The following TMEM209 variants were observed in gnomAD, a reference collection of about 807,000 sequenced individuals.
The protein encoded by TMEM209 is transmembrane protein 209.
In TMEM209, 65 loss-of-function variants were observed where a neutral mutation model predicts 76.2. The observed-to-expected ratio is 0.85, with a 90% CI of 0.70 to 1.05. The LOEUF (loss-of-function observed/expected upper bound fraction) is 1.05. Ranked by LOEUF, TMEM209 falls within the 50% of genes least tolerant of loss-of-function variation. The pLI, the probability that TMEM209 is intolerant of heterozygous loss-of-function variation, is 0.00. For missense variants in TMEM209, 623 were observed against 685.5 expected, an observed-to-expected ratio of 0.91 and a Z score of 1.02; for synonymous variants, 239 against 237.6, an observed-to-expected ratio of 1.01 and a Z score of -0.06.
Position 130,170,472 on chromosome 7 carries a change from C to T in TMEM209, c.1559G>A (p.Gly520Asp). Residue 520 changes from glycine to aspartate, a missense_variant and splice_region_variant, in exon 14 of 15, where the codon GGC becomes GAC. Coordinates refer to ENST00000397622, the MANE Select transcript of TMEM209 (RefSeq NM_032842.4). ...CAATGTATGAAACATATTATTTCTG[C>T]CCTGGAACAAAGACAAAAAAGACAA... ...YQRHVYNLPK[G>D]RNNMFHTLLM... The T allele has an allele frequency of 6.2e-7, 1 of 1,610,346 alleles. No homozygotes were observed. Among genetic ancestry groups the T allele is most frequent in the African/African-American group, 1.3e-5 (1 of 74,868 alleles).
chr7:130,184,957 T>C (rs934305976), intron 7 of TMEM209, among the ~76,000 whole-genome samples: 11 of 152,366 alleles, frequency 7.2e-5, no homozygotes, highest in African/African-American at 2.4e-4. Context: ...TAAAAATATG[T>C]TTCAGGCAGG....
intron 1 of TMEM209, chr7:130,205,127 G>C: frequency 6.9e-7 from 1 of 1,446,274 alleles, no homozygotes. Context: ...TCCCACAGAG[G>C]ACAGAGCAAT....
chr7:130,166,839 AT>A (rs1796897725), intron 14 of TMEM209, among the ~76,000 whole-genome samples: 1 of 152,190 alleles, frequency 6.6e-6, no homozygotes, highest in African/African-American at 2.4e-5. Context: ...GATGGAAGAT[AT>A]GGAGATGCTA....
intron 9 of TMEM209, among the ~76,000 whole-genome samples, chr7:130,179,972 A>G (rs1317686712): frequency 1.3e-5 from 2 of 152,236 alleles, no homozygotes; most frequent in African/African-American, 4.8e-5. Context: ...TCTAGAAAAC[A>G]ATAACAAAAA....
chr7:130,192,883 G>A lies in TMEM209; in HGVS notation c.574-60C>T, dbSNP rs1276725247. The A allele has an allele frequency of 1.9e-6, 3 of 1,540,150 alleles. No homozygotes were observed. The East Asian group carries it at 7.3e-5, about 37-fold the overall frequency. On this transcript the variant is annotated intron_variant, in intron 5 of 14. Coordinates refer to ENST00000397622, the MANE Select transcript of TMEM209 (RefSeq NM_032842.4). ...TTTAATTGAAATTCATTTTGTTTTG[G>A]TTTTTGACTTAAGTAAAACACCTAG...
At chr7:130,188,378 C>T (rs1331994649) in intron 6 of TMEM209, among the ~76,000 whole-genome samples, 4 of 152,042 alleles carry the variant, frequency 2.6e-5, no homozygotes, top group Admixed American at 2.0e-4. Context: ...GGGCGGATCA[C>T]AAGGTCAGGA....
At position 130,175,605 on chromosome 7, in the gene TMEM209, T is replaced by C. The variant is rs1287923680; in HGVS notation, c.1251A>G (p.Leu417=). 2 of 1,611,416 alleles carry C rather than the reference T, an allele frequency of 1.2e-6. No homozygotes were observed. The highest frequency in any genetic ancestry group is 1.1e-5 in the South Asian group (1 of 90,480). ...QEYLFERIKE[L]SQGGCMSSFR... The stretch of plus-strand genomic sequence containing the variant: ...ATGAGCTCATACAACCTCCCTGAGA[T>C]AGTTCTGTGGCAACAAGGTGAAATT... The change falls in exon 11 of 15, where the codon CTA becomes CTG. Residue 417 remains leucine, a synonymous_variant. Coordinates refer to ENST00000397622, the MANE Select transcript of TMEM209 (RefSeq NM_032842.4).
intron 14 of TMEM209, 35 bp from the exon 15 acceptor site, chr7:130,166,540 T>A: frequency 7.1e-7 from 1 of 1,413,232 alleles, no homozygotes; most frequent in Non-Finnish European, 9.5e-7. Context: ...TTAGAATTGG[T>A]TGCCAAGCAT....
chr7:130,175,434 C>A, intron 11 of TMEM209, 78 bp downstream of exon 11: 2 of 1,369,534 alleles, frequency 1.5e-6, no homozygotes, highest in South Asian at 2.5e-5. Flanking sequence ...TGCACTACAG[C>A]CTGGGTGACA....
At chr7:130,180,693 T>C (rs1420077884) in intron 9 of TMEM209, among the ~76,000 whole-genome samples, 2 of 152,158 alleles carry the variant, frequency 1.3e-5, no homozygotes, top group African/African-American at 2.4e-5. Flanking sequence ...TAAGAAGATA[T>C]ACAAATGACT....
chr7:130,194,195 T>C (rs926257296), intron 5 of TMEM209, among the ~76,000 whole-genome samples: 15 of 144,558 alleles, frequency 1.0e-4, no homozygotes, highest in Non-Finnish European at 2.1e-4. Context: ...CGAGACTCCG[T>C]CTCAAAAAAA....
At chr7:130,194,024 C>A (rs2117018083) in intron 5 of TMEM209, among the ~76,000 whole-genome samples, 1 of 151,700 alleles carries the variant, frequency 6.6e-6, no homozygotes, top group East Asian at 1.9e-4. Flanking sequence ...TGGTGAAACC[C>A]CGTCTCTACT....
At chr7:130,201,174 CTT>C (rs1280483033) in intron 5 of TMEM209, among the ~76,000 whole-genome samples, 1 of 145,968 alleles carries the variant, frequency 6.9e-6, no homozygotes, top group Non-Finnish European at 1.5e-5. Flanking sequence ...AGAGACTCCT[CTT>C]TTAACTAGCA....
intron 5 of TMEM209, among the ~76,000 whole-genome samples, chr7:130,198,011 A>C (rs1187004127): frequency 1.3e-5 from 2 of 152,272 alleles, no homozygotes; most frequent in Non-Finnish European, 2.9e-5. Flanking sequence ...AGGATTATAC[A>C]GCCATCACAA....
At chr7:130,172,919 A>T (rs1797118904) in intron 13 of TMEM209, among the ~76,000 whole-genome samples, 1 of 150,530 alleles carries the variant, frequency 6.6e-6, no homozygotes, top group African/African-American at 2.4e-5. Flanking sequence ...GAATTGCTGG[A>T]ACCCGGGAGG....
rs372766670 is a variant in TMEM209 at position 130,205,382 on chromosome 7, T to A, written c.-7A>T. ...GACCCCGAAAACGCACCATGTCCTC[T>A]GGCCGGAAAACGCAGGCTCGCGCCA... On this transcript the variant is annotated 5_prime_UTR_variant, in exon 1 of 15. Transcript: ENST00000397622. The A allele has an allele frequency of 6.2e-7, 1 of 1,613,700 alleles. No individual in the cohort carries two copies. The highest frequency in any genetic ancestry group is 2.2e-5 in the East Asian group (1 of 44,880).
At chr7:130,197,730 TA>T (rs1022694661) in intron 5 of TMEM209, among the ~76,000 whole-genome samples, 2 of 152,238 alleles carry the variant, frequency 1.3e-5, no homozygotes, top group Non-Finnish European at 2.9e-5. Context: ...CCATAAAATG[TA>T]AAAATATTCA....
At chr7:130,193,336 G>A (rs1046340788) in intron 5 of TMEM209, among the ~76,000 whole-genome samples, 1 of 152,002 alleles carries the variant, frequency 6.6e-6, no homozygotes, top group African/African-American at 2.4e-5. Flanking sequence ...ACCTGAGGTC[G>A]GTGACCAGCC....
intron 9 of TMEM209, among the ~76,000 whole-genome samples, chr7:130,179,863 G>A (rs191405599): frequency 7.2e-5 from 11 of 152,270 alleles, no homozygotes; most frequent in Admixed American, 6.5e-4. Context: ...ACTTGGATGC[G>A]GCTGAGGTGA....
Sources: gnomAD v4.1 joint callset for allele counts (sites outside exome capture counted in the v4.1 genomes callset) on GRCh38, gnomAD v4.1.1 for gene constraint, MANE v1.5 for transcripts, NCBI Gene and HGNC (gene_info 2026-07-23, HGNC 2026-07-21) for gene names.